OR9A4: variants seen among roughly 807,000 people sequenced by gnomAD.
OR9A4 encodes olfactory receptor family 9 subfamily A member 4.
In OR9A4, 16 loss-of-function variants were observed where a neutral mutation model predicts 17.1. That is an observed-to-expected ratio of 0.94 (90% CI 0.64 to 1.43). The LOEUF (loss-of-function observed/expected upper bound fraction) is 1.43, where lower values mean the gene tolerates loss of function less well. Ranked by LOEUF, OR9A4 falls within the 40% of genes most tolerant of loss-of-function variation. OR9A4 has a pLI of 0.00. For missense variants in OR9A4, 392 were observed against 382.1 expected (o/e 1.03, Z -0.22); for synonymous variants, 167 against 143.3 (o/e 1.17, Z -1.18).
At position 141,919,316 on chromosome 7, in the gene OR9A4, G is replaced by C; in HGVS notation, c.441G>C (p.Val147=). ...ACACCTGCAACTTTGTGGTTCTTGT[G>C]TCATGGGTGTTTGGGTTTCTTTTTC... ...NRHTCNFVVL[V]SWVFGFLFQI... is the part of the protein sequence containing the mutation. The change falls in exon 2 of 2, where the codon GTG becomes GTC. Residue 147 remains valine (V), a synonymous_variant. Coordinates refer to ENST00000641559, the MANE Select transcript of OR9A4 (RefSeq NM_001001656.3). 6.2e-7 allele frequency: 1 copy of C among 1,614,140 alleles called. No homozygotes were observed. The highest frequency in any genetic ancestry group is 8.5e-7 in the Non-Finnish European group (1 of 1,180,022).
In OR9A4 at chr7:141,918,919, G is replaced by A. The variant is rs1554439001; in HGVS notation, c.44G>A (p.Gly15Asp). The A allele has an allele frequency of 4.3e-6, 7 of 1,613,324 alleles. No homozygotes were observed. The highest frequency in any genetic ancestry group is 5.9e-6 in the Non-Finnish European group (7 of 1,179,668). Reference sequence around the variant, plus strand: ...AGTGCCACTGAATTTTATCTCCTTGGCTTCCCTGGCTCTGAAGAACTACAT... The same window carrying A: ...AGTGCCACTGAATTTTATCTCCTTGACTTCCCTGGCTCTGAAGAACTACAT... ...YSSATEFYLLGFPGSEELHHI... is the reference protein window; with the variant it reads ...YSSATEFYLLDFPGSEELHHI... The change falls in exon 2 of 2, where the codon GGC becomes GAC. Residue 15 changes from glycine to aspartate, a missense_variant. By Grantham distance (94) the Gly-to-Asp change is moderately conservative. Coordinates refer to ENST00000641559, the MANE Select transcript of OR9A4 (RefSeq NM_001001656.3).
rs782263996 is a variant in OR9A4 at position 141,919,796 on chromosome 7, C to A, written c.921C>A (p.Arg307=). 2 of 1,611,998 alleles carry A rather than the reference C, an allele frequency of 1.2e-6. No individual in the cohort carries two copies. Among genetic ancestry groups the A allele is most frequent in the Non-Finnish European group, 1.7e-6 (2 of 1,178,518 alleles). Residue 307 remains arginine, a synonymous_variant, in exon 2 of 2, where the codon CGC becomes CGA. Transcript: ENST00000641559. The part of the protein sequence containing the change: ...VIEALRDGVK[R]CCQLFRN ...AGGCCCTTCGGGATGGGGTGAAACG[C>A]TGCTGTCAACTATTCAGGAATTAGC... is the stretch of plus-strand genomic sequence containing the variant.
Position 141,919,787 on chromosome 7 carries a change from G to A in OR9A4, c.912G>A (p.Gly304=). Residue 304 remains glycine, a synonymous_variant, in exon 2 of 2, where the codon GGG becomes GGA. Coordinates refer to ENST00000641559, the MANE Select transcript of OR9A4 (RefSeq NM_001001656.3). ...NDKVIEALRD[G]VKRCCQLFRN ...AAGTCATAGAGGCCCTTCGGGATGG[G>A]GTGAAACGCTGCTGTCAACTATTCA... 6.2e-7 allele frequency: 1 copy of A among 1,613,258 alleles called. No homozygotes were observed. Among genetic ancestry groups the A allele is most frequent in the Non-Finnish European group, 8.5e-7 (1 of 1,179,334 alleles).
Position 141,918,754 on chromosome 7 carries a change from G to A in OR9A4, c.-30-92G>A, listed in dbSNP as rs1802225149. ...TAGAAAATAGTAGAGTCAGGTTATG[G>A]AGTTGAGGAGCAGGAGAGGAATGTT... On this transcript the variant is annotated intron_variant, in intron 1 of 1. Coordinates refer to ENST00000641559, the MANE Select transcript of OR9A4 (RefSeq NM_001001656.3). The A allele has an allele frequency of 1.8e-5, 12 of 684,206 alleles. No homozygotes were observed. In the East Asian group the frequency reaches 3.0e-4, roughly 17 times the overall value. 42.4% of individuals were successfully genotyped at this position (684,206 alleles called of 1,614,324 possible).
chr7:141,919,853 C>T lies in OR9A4; in HGVS notation c.*33C>T. The T allele has an allele frequency of 6.8e-7, 1 of 1,466,488 alleles. No homozygotes were observed. The highest frequency in any genetic ancestry group is 2.3e-5 in the East Asian group (1 of 43,860). 90.8% of individuals were successfully genotyped at this position (1,466,488 alleles called of 1,614,324 possible). A position where few individuals can be genotyped will look rare whatever the true frequency, so the allele number is the denominator to read the frequency against. ...CTGAGGACTTTTACATGGTAAAGCA[C>T]TTAGTATGGATTCTAGAATAATCTG... On this transcript the variant is annotated 3_prime_UTR_variant, in exon 2 of 2. Transcript: ENST00000641559.
Position 141,919,690 on chromosome 7 carries a change from G to T in OR9A4, c.815G>T (p.Trp272Leu). ...PKQTQAADYNWVVSLMVSVVT... is the reference protein window; with the variant it reads ...PKQTQAADYNLVVSLMVSVVT... Reference sequence around the variant, plus strand: ...CAAACGCAGGCAGCTGATTACAATTGGGTAGTTTCCCTGATGGTTTCAGTA... The same window carrying T: ...CAAACGCAGGCAGCTGATTACAATTTGGTAGTTTCCCTGATGGTTTCAGTA... Residue 272 changes from tryptophan to leucine, a missense_variant, in exon 2 of 2, where the codon TGG becomes TTG. Transcript: ENST00000641559. 1 of 1,614,094 alleles carries T rather than the reference G, an allele frequency of 6.2e-7. No individual in the cohort carries two copies. Among genetic ancestry groups the T allele is most frequent in the Non-Finnish European group, 8.5e-7 (1 of 1,180,022 alleles).
At chr7:141,917,786 T>C (rs1802208580) in intron 1 of OR9A4, among the ~76,000 whole-genome samples, 1 of 152,128 alleles carries the variant, frequency 6.6e-6, no homozygotes, top group Admixed American at 6.5e-5. Flanking sequence ...GAGCTAGAAA[T>C]TGTTAACTGG....
chr7:141,918,760 AG>A lies in OR9A4; in HGVS notation c.-30-84del, dbSNP rs1402396221. The A allele has an allele frequency of 4.2e-5, 30 of 714,298 alleles. No individual in the cohort carries two copies. In the East Asian group the frequency reaches 7.4e-4, roughly 18 times the overall value. The allele number at this position is 714,298 out of a possible 1,614,324, so 44.2% of individuals were successfully genotyped here. A position where few individuals can be genotyped will look rare whatever the true frequency, so the allele number is the denominator to read the frequency against. On this transcript the variant is annotated intron_variant, in intron 1 of 1. Transcript: ENST00000641559. Reference sequence around the variant, plus strand: ...ATAGTAGAGTCAGGTTATGGAGTTGAGGAGCAGGAGAGGAATGTTTTTTCAA... The same window carrying A: ...ATAGTAGAGTCAGGTTATGGAGTTGAGAGCAGGAGAGGAATGTTTTTTCAA...
Position 141,918,409 on chromosome 7 carries a change from A to G in OR9A4, c.-30-437A>G, listed in dbSNP as rs1285961741. On this transcript the variant is annotated intron_variant, in intron 1 of 1. Transcript: ENST00000641559. ...CGTGAGCCACCGCACCCAGCCAGGA[A>G]TACTTTCTTATAATTGTTTAGATGC... 4.6e-5 allele frequency among the ~76,000 whole-genome samples: 7 copies of G among 152,172 alleles called. No homozygotes were observed. In the East Asian group the frequency reaches 7.7e-4, roughly 17 times the overall value.
At position 141,919,027 on chromosome 7, in the gene OR9A4, A is replaced by T; in HGVS notation, c.152A>T (p.Asp51Val). The T allele has an allele frequency of 2.5e-6, 4 of 1,614,154 alleles. No individual in the cohort carries two copies. Among genetic ancestry groups the T allele is most frequent in the Non-Finnish European group, 3.4e-6 (4 of 1,180,050 alleles). ...NTVIIMIVCV[D>V]KRLQSPMYFF... ...GTCATCATCATGATTGTCTGTGTGG[A>T]TAAACGTCTGCAGTCCCCCATGTAT... The change falls in exon 2 of 2, where the codon GAT becomes GTT. Residue 51 changes from aspartate (D) to valine (V), a missense_variant. Transcript: ENST00000641559.
Position 141,920,595 on chromosome 7 carries a change from C to A in OR9A4, c.*775C>A, listed in dbSNP as rs1472737268. 1 of 149,076 alleles carries A rather than the reference C, an allele frequency of 6.7e-6. No homozygotes were observed. Among genetic ancestry groups the A allele is most frequent in the East Asian group, 2.0e-4 (1 of 5,108 alleles). 9.2% of individuals were successfully genotyped at this position (149,076 alleles called of 1,614,324 possible). ...GTCAGAGTGGTAACTGGAATGCAGA[C>A]CATGTAGAGCCTTGTGAGCCTTTTT... On this transcript the variant is annotated 3_prime_UTR_variant, in exon 2 of 2. Coordinates refer to ENST00000641559, the MANE Select transcript of OR9A4 (RefSeq NM_001001656.3).
Position 141,919,873 on chromosome 7 carries a change from A to C in OR9A4, c.*53A>C, listed in dbSNP as rs1554439197. On this transcript the variant is annotated 3_prime_UTR_variant, in exon 2 of 2. Coordinates refer to ENST00000641559, the MANE Select transcript of OR9A4 (RefSeq NM_001001656.3). ...AAGCACTTAGTATGGATTCTAGAAT[A>C]ATCTGAAAAGAACTTGCTCATCTTT... is the stretch of plus-strand genomic sequence containing the variant. 1 of 1,353,566 alleles carries C rather than the reference A, an allele frequency of 7.4e-7. No homozygotes were observed. Among genetic ancestry groups the C allele is most frequent in the South Asian group, 1.4e-5 (1 of 70,462 alleles). 83.8% of individuals were successfully genotyped at this position (1,353,566 alleles called of 1,614,324 possible).
At position 141,919,474 on chromosome 7, in the gene OR9A4, T is replaced by C; in HGVS notation, c.599T>C (p.Phe200Ser). The change falls in exon 2 of 2, where the codon TTC (phenylalanine) becomes TCC (serine). Residue 200 changes from phenylalanine (F) to serine (S), a missense_variant. Transcript: ENST00000641559. ...ACTCTTTTCACGGAGTTTATCCTCTTCTTAATGGCTGTTTTTGTTCTCTTT... is the reference window on the plus strand; with the variant it reads ...ACTCTTTTCACGGAGTTTATCCTCTCCTTAATGGCTGTTTTTGTTCTCTTT... ...NNTLFTEFIL[F>S]LMAVFVLFGS... 1 of 1,614,170 alleles carries C rather than the reference T, an allele frequency of 6.2e-7. No individual in the cohort carries two copies. The highest frequency in any genetic ancestry group is 8.5e-7 in the Non-Finnish European group (1 of 1,180,032).
chr7:141,919,795 G>A lies in OR9A4; in HGVS notation c.920G>A (p.Arg307His), dbSNP rs782633602. 1.2e-5 allele frequency: 19 copies of A among 1,612,438 alleles called. No homozygotes were observed. The highest frequency in any genetic ancestry group is 1.5e-5 in the Non-Finnish European group (18 of 1,178,896). Residue 307 changes from arginine (R) to histidine (H), a missense_variant, in exon 2 of 2, where the codon CGC (arginine) becomes CAC (histidine). Physicochemically the swap from Arg to His is conservative, Grantham distance 29. Coordinates refer to ENST00000641559, the MANE Select transcript of OR9A4 (RefSeq NM_001001656.3). ...VIEALRDGVK[R>H]CCQLFRN ...GAGGCCCTTCGGGATGGGGTGAAACGCTGCTGTCAACTATTCAGGAATTAG... is the reference window on the plus strand; with the variant it reads ...GAGGCCCTTCGGGATGGGGTGAAACACTGCTGTCAACTATTCAGGAATTAG...
intron 1 of OR9A4, among the ~76,000 whole-genome samples, chr7:141,916,956 G>A (rs1242293225): frequency 1.3e-5 from 2 of 152,202 alleles, no homozygotes; most frequent in African/African-American, 2.4e-5. Flanking sequence ...AGAGATTGCA[G>A]GTTGACTTTA....
chr7:141,919,468 T>C lies in OR9A4; in HGVS notation c.593T>C (p.Ile198Thr). ...SCNNTLFTEFILFLMAVFVLF... is the reference protein window; with the variant it reads ...SCNNTLFTEFTLFLMAVFVLF... ...AATAATACTCTTTTCACGGAGTTTA[T>C]CCTCTTCTTAATGGCTGTTTTTGTT... Residue 198 changes from isoleucine to threonine, a missense_variant, in exon 2 of 2, where the codon ATC becomes ACC. By Grantham distance (89) the Ile-to-Thr change is moderately conservative. Transcript: ENST00000641559. 6.2e-7 allele frequency: 1 copy of C among 1,614,154 alleles called. No homozygotes were observed. The highest frequency in any genetic ancestry group is 8.5e-7 in the Non-Finnish European group (1 of 1,180,014).
intron 1 of OR9A4, 72 bp from the exon 2 acceptor site, chr7:141,918,774 A>T (rs1554438985): frequency 1.2e-6 from 1 of 810,756 alleles, no homozygotes; most frequent in Non-Finnish European, 2.0e-6. Context: ...GCAGGAGAGG[A>T]ATGTTTTTTC....
chr7:141,917,578 GTC>G (rs2128958415), intron 1 of OR9A4, among the ~76,000 whole-genome samples: 1 of 152,286 alleles, frequency 6.6e-6, no homozygotes, highest in African/African-American at 2.4e-5. Context: ...GGGAGGTCTT[GTC>G]TCTCTGCTGA....
rs781961689 is a variant in OR9A4 at position 141,919,174 on chromosome 7, A to C, written c.299A>C (p.Gln100Pro). 286 of 1,613,968 alleles carry C rather than the reference A, an allele frequency of 1.8e-4. No individual in the cohort carries two copies. Among genetic ancestry groups the C allele is most frequent in the Non-Finnish European group, 2.4e-4 (279 of 1,180,034 alleles). The change falls in exon 2 of 2, where the codon CAG (glutamine) becomes CCG (proline). Residue 100 changes from glutamine to proline, a missense_variant. Gln to Pro is a moderately conservative substitution (Grantham distance 76). Coordinates refer to ENST00000641559, the MANE Select transcript of OR9A4 (RefSeq NM_001001656.3). ...ATATATTTGTCTGCCTGTGTTGTCC[A>C]GCTCTTCTTGTACCTTGCTGTGGGG... ...QTIYLSACVV[Q>P]LFLYLAVGTT...
Sources: gnomAD v4.1 joint callset for allele counts (sites outside exome capture counted in the v4.1 genomes callset) on GRCh38, gnomAD v4.1.1 for gene constraint, MANE v1.5 for transcripts, NCBI Gene and HGNC (gene_info 2026-07-23, HGNC 2026-07-21) for gene names.